Variants in WDFY4 observed in about 807,000 individuals in gnomAD.
WDFY4 encodes WDFY family member 4.
Under a neutral mutation model 351.9 loss-of-function variants are expected in WDFY4, and 169 were observed. The observed-to-expected ratio is 0.48, with a 90% CI of 0.42 to 0.55. WDFY4 has a LOEUF of 0.55. Among genes scored for constraint, WDFY4 ranks in the 20% least tolerant of loss-of-function variants. The pLI is 0.00. For synonymous variants in WDFY4, 1,622 were observed against 1,574.6 expected (o/e 1.03, Z -0.71); for missense variants, 3,803 against 3,935.6 (o/e 0.97, Z 0.90).
At chr10:48,926,204 A>T (rs1298953538) in intron 47 of WDFY4, among the ~76,000 whole-genome samples, 1 of 152,192 alleles carries the variant, frequency 6.6e-6, no homozygotes, top group African/African-American at 2.4e-5. Flanking sequence ...AGGCTGAAAG[A>T]CACACCCACT....
intron 47 of WDFY4, 88 bp downstream of exon 47, chr10:48,901,951 T>C: frequency 8.2e-7 from 1 of 1,223,500 alleles, no homozygotes; most frequent in Non-Finnish European, 1.2e-6. Flanking sequence ...AAAGAAGTCT[T>C]GCAGAGAGCA....
chr10:48,721,462 A>G (rs755563447), intron 4 of WDFY4, 95 bp downstream of exon 4: 1 of 1,104,020 alleles, frequency 9.1e-7, no homozygotes, highest in Non-Finnish European at 1.3e-6. Flanking sequence ...CAAGAGGGTC[A>G]TTCGTTTCAT....
intron 57 of WDFY4, among the ~76,000 whole-genome samples, chr10:48,972,379 TCAATTTTGCATACTCTTATCCC>T (rs1419991869): frequency 1.8e-4 from 27 of 152,258 alleles, no homozygotes; most frequent in Non-Finnish European, 3.8e-4. Context: ...ATAAAAGTTT[TCAATTTTGCATACTCTTATCCC>T]CAGATATACA....
intron 47 of WDFY4, chr10:48,913,836 C>T (rs779947795): frequency 3.2e-5 from 52 of 1,613,884 alleles, no homozygotes; most frequent in Non-Finnish European, 1.4e-5. Flanking sequence ...GCTGGTCAGC[C>T]GGTTGTTGCT....
At chr10:48,960,213 T>C (rs1193632798) in intron 53 of WDFY4, among the ~76,000 whole-genome samples, 1 of 152,156 alleles carries the variant, frequency 6.6e-6, no homozygotes, top group Non-Finnish European at 1.5e-5. Flanking sequence ...GGGGAGAAAT[T>C]GGCTTATTAC....
At chr10:48,691,197 C>T (rs73304264) in intron 1 of WDFY4, among the ~76,000 whole-genome samples, 45 of 152,234 alleles carry the variant, frequency 3.0e-4, no homozygotes, top group African/African-American at 1.0e-3. Context: ...CCCACTGGGG[C>T]AGAGCTAATC....
At chr10:48,826,316 C>T (rs1332165144) in intron 35 of WDFY4, among the ~76,000 whole-genome samples, 9 of 152,070 alleles carry the variant, frequency 5.9e-5, no homozygotes, top group African/African-American at 2.2e-4. Context: ...TTGGTCTATG[C>T]GTCTGTTTTT....
chr10:48,968,994 T>G (rs1842214124), intron 55 of WDFY4, 70 bp from the exon 56 acceptor site: 14 of 1,493,586 alleles, frequency 9.4e-6, no homozygotes, highest in Admixed American at 8.0e-5. Flanking sequence ...CTGTGACTCC[T>G]GCCTGGGGGC....
At chr10:48,951,873 C>T (rs577298734) in intron 51 of WDFY4, among the ~76,000 whole-genome samples, 3 of 152,176 alleles carry the variant, frequency 2.0e-5, no homozygotes, top group African/African-American at 4.8e-5. Flanking sequence ...GCAAGGCAGC[C>T]GGCGCCCACC....
chr10:48,921,836 G>T (rs1003423890), intron 47 of WDFY4, among the ~76,000 whole-genome samples: 3 of 152,162 alleles, frequency 2.0e-5, no homozygotes, highest in Non-Finnish European at 4.4e-5. Context: ...GCAAGGAGAT[G>T]CTGCAACTAG....
At chr10:48,895,994 G>A (rs1325061393) in intron 44 of WDFY4, among the ~76,000 whole-genome samples, 1 of 152,194 alleles carries the variant, frequency 6.6e-6, no homozygotes, top group Non-Finnish European at 1.5e-5. Context: ...ACTGCTCCAG[G>A]CCTGGCCTGG....
At chr10:48,972,158 T>C (rs796755582) in intron 57 of WDFY4, among the ~76,000 whole-genome samples, 7 of 152,328 alleles carry the variant, frequency 4.6e-5, no homozygotes, top group African/African-American at 1.7e-4. Flanking sequence ...TAAAACACTT[T>C]ATCACTTACC....
chr10:48,742,223 T>C (rs2064873409), intron 11 of WDFY4, among the ~76,000 whole-genome samples: 1 of 152,258 alleles, frequency 6.6e-6, no homozygotes. Context: ...GATTCCACGA[T>C]GTATCCTATC....
intron 26 of WDFY4, among the ~76,000 whole-genome samples, chr10:48,805,654 C>G (rs2067229280): frequency 6.6e-6 from 1 of 152,166 alleles, no homozygotes; most frequent in Non-Finnish European, 1.5e-5. Context: ...TCAGGCTCCC[C>G]CACTGTGGCC....
At chr10:48,909,965 T>C in intron 47 of WDFY4, 1 of 495,128 alleles carries the variant, frequency 2.0e-6, no homozygotes. Flanking sequence ...TTGTCTATAA[T>C]ATATAATCTG....
chr10:48,976,654 G>A (rs1842581525), intron 58 of WDFY4, 143 bp from the exon 59 acceptor site: 1 of 651,880 alleles, frequency 1.5e-6, no homozygotes, highest in Non-Finnish European at 2.2e-6. Flanking sequence ...TAAGTCAGCT[G>A]GAAAGAAGTT....
intron 43 of WDFY4, among the ~76,000 whole-genome samples, chr10:48,890,011 C>G (rs1460711937): frequency 6.6e-6 from 1 of 152,214 alleles, no homozygotes; most frequent in African/African-American, 2.4e-5. Context: ...GCATTTCCAG[C>G]AACAGGGGAA....
At chr10:48,853,742 G>C (rs2069033810) in intron 39 of WDFY4, among the ~76,000 whole-genome samples, 1 of 152,158 alleles carries the variant, frequency 6.6e-6, no homozygotes, top group African/African-American at 2.4e-5. Flanking sequence ...CTGAACACTG[G>C]GTCATACCAG....
intron 13 of WDFY4, among the ~76,000 whole-genome samples, chr10:48,770,974 A>T (rs1470796745): frequency 1.3e-5 from 2 of 152,190 alleles, no homozygotes; most frequent in East Asian, 3.8e-4. Context: ...AAGTTAATCT[A>T]ATGTAGTTTT....
Sources: gnomAD v4.1 joint callset for allele counts (sites outside exome capture counted in the v4.1 genomes callset) on GRCh38, gnomAD v4.1.1 for gene constraint, MANE v1.5 for transcripts, NCBI Gene and HGNC (gene_info 2026-07-23, HGNC 2026-07-21) for gene names.